The following ZNF37A variants were observed in gnomAD, a reference collection of about 807,000 sequenced individuals.
ZNF37A encodes the protein zinc finger protein 37a (KOX 21).
Under a neutral mutation model 12.3 loss-of-function variants are expected in ZNF37A, and 10 were observed. The observed-to-expected ratio is 0.82, with a 90% CI of 0.50 to 1.38. ZNF37A has a LOEUF of 1.38. Among genes scored for constraint, ZNF37A ranks in the 40% most tolerant of loss-of-function variants. ZNF37A has a pLI of 0.00. For missense variants in ZNF37A, 580 were observed against 651.2 expected (o/e 0.89, Z 1.19); for synonymous variants, 207 against 223.0 (o/e 0.93, Z 0.64).
At chr10:38,109,804 CAAG>C (rs1216563076) in intron 5 of ZNF37A, among the ~76,000 whole-genome samples, 1 of 152,184 alleles carries the variant, frequency 6.6e-6, no homozygotes, top group Non-Finnish European at 1.5e-5. Flanking sequence ...AGGACCTCTT[CAAG>C]AAGAACTGCA....
rs1196582580 is a variant in ZNF37A, at chr10:38,120,959, C to G, written c.*2122C>G. 1 of 152,126 alleles carries G rather than the reference C, an allele frequency of 6.6e-6. No homozygotes were observed. The highest frequency in any genetic ancestry group is 2.4e-5 in the African/African-American group (1 of 41,420). 9.4% of individuals were successfully genotyped at this position (152,126 alleles called of 1,614,324 possible). A position where few individuals can be genotyped will look rare whatever the true frequency, so the allele number is the denominator to read the frequency against. On this transcript the variant is annotated 3_prime_UTR_variant, in exon 8 of 8. Transcript: ENST00000685332. The stretch of plus-strand genomic sequence containing the variant: ...GCCAGTGGGTTGGTGAACATGCCAT[C>G]AGTAAAAGCCCTGGAAACAAGGTCA...
chr10:38,096,735 T>G lies in ZNF37A; in HGVS notation c.15+103T>G. ...AGTAGAAATAACATCAGGGAAAATA[T>G]AGAGGAGAGGTCACATTACATTTCA... On this transcript the variant is annotated intron_variant, in intron 5 of 7. Coordinates refer to ENST00000685332, the MANE Select transcript of ZNF37A (RefSeq NM_001324250.3). The G allele has an allele frequency of 4.3e-6, 5 of 1,174,906 alleles. No homozygotes were observed. The Admixed American group carries it at 9.7e-5, about 23-fold the overall frequency. 72.8% of individuals were successfully genotyped at this position (1,174,906 alleles called of 1,614,324 possible). A position where few individuals can be genotyped will look rare whatever the true frequency, so the allele number is the denominator to read the frequency against.
rs144483735 is a variant in ZNF37A, at chr10:38,118,817, G to A, written c.1666G>A (p.Glu556Lys). Residue 556 changes from glutamate to lysine, a missense_variant, in exon 8 of 8, where the codon GAG becomes AAG. Coordinates refer to ENST00000685332, the MANE Select transcript of ZNF37A (RefSeq NM_001324250.3). ...GAGAAACCCTATAAATGTAGTAAAC[G>A]AGGGAAATTACTCTGGGTGAAGTCA... ...LGRNPINVVNEGNYSG is the reference protein window; with the variant it reads ...LGRNPINVVNKGNYSG 2,554 of 1,577,806 alleles carry A rather than the reference G, an allele frequency of 1.6e-3. 3 individuals carry two copies. Among genetic ancestry groups the A allele is most frequent in the Non-Finnish European group, 2.0e-3 (2,365 of 1,164,132 alleles).
intron 7 of ZNF37A, among the ~76,000 whole-genome samples, chr10:38,135,105 G>A (rs918724356): frequency 3.1e-4 from 47 of 152,252 alleles, no homozygotes; most frequent in African/African-American, 1.1e-3. Flanking sequence ...ACTGTTTCTT[G>A]GCTGGGTGCA....
intron 5 of ZNF37A, among the ~76,000 whole-genome samples, chr10:38,097,614 A>AAAAAAAAAAAAAAAAAAAAAAG (rs2067256256): frequency 7.1e-6 from 1 of 140,740 alleles, no homozygotes; most frequent in Non-Finnish European, 1.5e-5. Context: ...AAAAAAAAAA[A>AAAAAAAAAAAAAAAAAAAAAAG]TCACATGAAT....
intron 7 of ZNF37A, chr10:38,139,124 C>G (rs1305866951): frequency 6.6e-6 from 1 of 152,110 alleles, no homozygotes; most frequent in Admixed American, 6.6e-5. Flanking sequence ...ACAACTGGGA[C>G]CTTATTTCCT....
downstream of ZNF37A, among the ~76,000 whole-genome samples, chr10:38,129,319 A>AAAAAAAAAAAAACAAAAC: frequency 8.6e-6 from 1 of 116,228 alleles, no homozygotes; most frequent in Non-Finnish European, 1.9e-5. Flanking sequence ...AAAAAAAAAA[A>AAAAAAAAAAAAACAAAAC]AAACTATTAT....
chr10:38,126,804 G>T (rs2069934841), downstream of ZNF37A, among the ~76,000 whole-genome samples: 1 of 152,010 alleles, frequency 6.6e-6, no homozygotes, highest in Non-Finnish European at 1.5e-5. Flanking sequence ...GCCAACTATA[G>T]CCATAACTGC....
At chr10:38,104,785 C>T (rs2067903004) in intron 5 of ZNF37A, among the ~76,000 whole-genome samples, 1 of 152,034 alleles carries the variant, frequency 6.6e-6, no homozygotes. Context: ...TACACACACA[C>T]ACACAGAAAT....
At chr10:38,149,286 A>T (rs1469529128) in exon 8 of ZNF37A, 1 of 152,118 alleles carries the variant, frequency 6.6e-6, no homozygotes. Context: ...AGACAGTGCT[A>T]ATTCTATTGG....
chr10:38,111,809 C>T (rs1352564841), intron 5 of ZNF37A, among the ~76,000 whole-genome samples: 2 of 152,138 alleles, frequency 1.3e-5, no homozygotes, highest in South Asian at 2.1e-4. Flanking sequence ...TCATTATTGA[C>T]AGGCATGTTT....
At chr10:38,108,959 G>A (rs1369969980) in intron 5 of ZNF37A, among the ~76,000 whole-genome samples, 1 of 152,150 alleles carries the variant, frequency 6.6e-6, no homozygotes, top group Non-Finnish European at 1.5e-5. Flanking sequence ...CAGAAAAAGA[G>A]GGAATCCTCT....
intron 5 of ZNF37A, among the ~76,000 whole-genome samples, chr10:38,111,833 T>C (rs2068682431): frequency 6.6e-6 from 1 of 152,134 alleles, no homozygotes; most frequent in South Asian, 2.1e-4. Flanking sequence ...AGGCGTAGAA[T>C]TCTCAGCTAC....
At position 38,120,943 on chromosome 10, in the gene ZNF37A, T is replaced by C. The variant is rs577694355; in HGVS notation, c.*2106T>C. The C allele has an allele frequency of 2.0e-5, 3 of 152,300 alleles. No individual in the cohort carries two copies. Among genetic ancestry groups the C allele is most frequent in the African/African-American group, 7.2e-5 (3 of 41,564 alleles). 9.4% of individuals were successfully genotyped at this position (152,300 alleles called of 1,614,324 possible). On this transcript the variant is annotated 3_prime_UTR_variant, in exon 8 of 8. Transcript: ENST00000685332. ...TTAGAACTTAGGAAGTGCCAGTGGG[T>C]TGGTGAACATGCCATCAGTAAAAGC...
downstream of ZNF37A, among the ~76,000 whole-genome samples, chr10:38,129,303 C>CAAAAAAAAAAAAAAAAAA (rs2069977236): frequency 2.4e-5 from 1 of 40,926 alleles, no homozygotes; most frequent in Admixed American, 2.9e-4. Flanking sequence ...AAGACTCTGT[C>CAAAAAAAAAAAAAAAAAA]TAAAAAAAAA....
chr10:38,133,213 AAATT>A (rs2070057321), intron 7 of ZNF37A, among the ~76,000 whole-genome samples: 1 of 152,200 alleles, frequency 6.6e-6, no homozygotes, highest in African/African-American at 2.4e-5. Context: ...TGTTTTTTAA[AAATT>A]AATTCTGCCT....
At chr10:38,104,960 C>T (rs1309767836) in intron 5 of ZNF37A, among the ~76,000 whole-genome samples, 1 of 151,824 alleles carries the variant, frequency 6.6e-6, no homozygotes. Context: ...TACCATTATC[C>T]ACAATATTTA....
At chr10:38,135,155 G>A (rs1395633365) in intron 7 of ZNF37A, among the ~76,000 whole-genome samples, 1 of 152,200 alleles carries the variant, frequency 6.6e-6, no homozygotes, top group Non-Finnish European at 1.5e-5. Flanking sequence ...GGGAGGCCAA[G>A]GCAGGTGGAT....
chr10:38,101,279 G>A lies in ZNF37A; in HGVS notation c.15+4647G>A, dbSNP rs2067546722. The stretch of plus-strand genomic sequence containing the variant: ...TAATGTCAAGAATCCATTCTCCAAT[G>A]TGTTCTGTCATGAGTTTTGTAACTT... On this transcript the variant is annotated intron_variant, in intron 5 of 7. Transcript: ENST00000685332. 2.6e-5 allele frequency among the ~76,000 whole-genome samples: 4 copies of A among 151,862 alleles called. No individual in the cohort carries two copies. The South Asian group carries it at 8.3e-4, about 32-fold the overall frequency.
Sources: gnomAD v4.1 joint callset for allele counts (sites outside exome capture counted in the v4.1 genomes callset) on GRCh38, gnomAD v4.1.1 for gene constraint, MANE v1.5 for transcripts, NCBI Gene and HGNC (gene_info 2026-07-23, HGNC 2026-07-21) for gene names.